NDRG2: variants seen among roughly 807,000 people sequenced by gnomAD.
NDRG2 encodes the protein NDRG family member 2, also known as protein NDRG2.
Under a neutral mutation model 58.2 loss-of-function variants are expected in NDRG2, and 34 were observed. That is an observed-to-expected ratio of 0.58 (90% CI 0.44 to 0.78). The LOEUF (loss-of-function observed/expected upper bound fraction) is 0.78. NDRG2 is among the 30% of genes least tolerant of loss of function. The pLI, the probability that NDRG2 is intolerant of heterozygous loss-of-function variation, is 0.00. For missense variants in NDRG2, 434 were observed against 471.2 expected, an observed-to-expected ratio of 0.92 and a Z score of 0.73; for synonymous variants, 187 against 175.9, an observed-to-expected ratio of 1.06 and a Z score of -0.50.
chr14:21,053,345 T>C (rs1295434177), intron 1 of NDRG2, among the ~76,000 whole-genome samples: 1 of 152,032 alleles, frequency 6.6e-6, no homozygotes, highest in Non-Finnish European at 1.5e-5. Context: ...AGCCGCACTT[T>C]GGCCGGGCGC....
At chr14:21,062,735 G>GTGTGTGTGTGTGTGTGTGTGTGTGTA (rs1886031934) in intron 1 of NDRG2, among the ~76,000 whole-genome samples, 1 of 150,882 alleles carries the variant, frequency 6.6e-6, no homozygotes, top group South Asian at 2.1e-4. Context: ...GTGTGTGTGT[G>GTGTGTGTGTGTGTGTGTGTGTGTGTA]TGTGTGTGTG....
At chr14:21,022,041 C>A in intron 5 of NDRG2, 21 bp downstream of exon 5, 1 of 1,614,136 alleles carries the variant, frequency 6.2e-7, no homozygotes, top group South Asian at 1.1e-5. Flanking sequence ...TCTGGTGAAG[C>A]AGTAACGACC....
At chr14:21,032,130 A>G (rs1487236164) in intron 1 of NDRG2, 1 of 1,568,756 alleles carries the variant, frequency 6.4e-7, no homozygotes, top group Non-Finnish European at 8.7e-7. Flanking sequence ...GTTTAACACC[A>G]GGGAGCTTGG....
At chr14:21,044,082 T>C (rs1885035569) in intron 1 of NDRG2, 1 of 167,576 alleles carries the variant, frequency 6.0e-6, no homozygotes, top group South Asian at 2.1e-4. Context: ...AAATACAGTG[T>C]ACCTTCTACT....
chr14:21,047,461 A>G (rs35291299), intron 1 of NDRG2, among the ~76,000 whole-genome samples: 15,177 of 152,288 alleles, frequency 0.1, 950 homozygotes, highest in Admixed American at 0.19. Context: ...AAAGGATGCC[A>G]GGAATAGTGA....
At position 21,020,793 on chromosome 14, in the gene NDRG2, C is replaced by T. The variant is rs746713870; in HGVS notation, c.459G>A (p.Ala153=). The T allele has an allele frequency of 6.8e-6, 11 of 1,613,928 alleles. No homozygotes were observed. In the African/African-American group the frequency reaches 1.1e-4, roughly 16 times the overall value. ...GCTTTTTATTTCTTACAGCATATCT[C>T]GCCAGGATGTAGGCTCCAGCTCCAA... ...VGVGAGAYIL[A]RYALNHPDTV... The change falls in exon 7 of 16, where the codon GCG becomes GCA. Residue 153 remains alanine, a synonymous_variant. Transcript: ENST00000556147.
At chr14:21,017,864 G>A (rs1190941407) in intron 15 of NDRG2, 102 bp from the exon 16 acceptor site, 34 of 1,601,514 alleles carry the variant, frequency 2.1e-5, no homozygotes, top group African/African-American at 2.7e-5. Context: ...TTATAACTAA[G>A]CCAGGGGATC....
chr14:21,031,986 A>AGGGCAT, intron 1 of NDRG2: 1 of 1,614,194 alleles, frequency 6.2e-7, no homozygotes, highest in Non-Finnish European at 8.5e-7. Context: ...GGCAAGGGCA[A>AGGGCAT]GGGCATTGCG....
At chr14:21,023,724 A>C in intron 1 of NDRG2, 1 of 182,240 alleles carries the variant, frequency 5.5e-6, no homozygotes, top group Non-Finnish European at 1.2e-5. Context: ...AGTATTCTAA[A>C]GGACAGGGTA....
At chr14:21,041,186 G>A (rs560097123) in intron 1 of NDRG2, among the ~76,000 whole-genome samples, 2 of 152,156 alleles carry the variant, frequency 1.3e-5, no homozygotes, top group South Asian at 4.2e-4. Context: ...ATAGAGACAG[G>A]GTTTCGCCAC....
chr14:21,030,470 G>A (rs564184478), upstream of NDRG2: 1 of 1,149,174 alleles, frequency 8.7e-7, no homozygotes, highest in South Asian at 1.6e-5. Flanking sequence ...TGTTCCTGTT[G>A]CTGACTGATT....
chr14:21,044,775 G>A lies in NDRG2; in HGVS notation c.25-21454C>T, dbSNP rs1885071779. Reference sequence around the variant, plus strand: ...ACAAGCTGCATTGTGTCCCATGCCTGTTCTATTTCAAACCCAAATTCATTA... The same window carrying A: ...ACAAGCTGCATTGTGTCCCATGCCTATTCTATTTCAAACCCAAATTCATTA... On this transcript the variant is annotated intron_variant, in intron 1 of 14. Coordinates refer to the NDRG2 transcript ENST00000403829. Among the ~76,000 whole-genome samples, 3 of 152,262 alleles carry A rather than the reference G, an allele frequency of 2.0e-5. No individual in the cohort carries two copies. In the South Asian group the frequency reaches 6.2e-4, roughly 32 times the overall value.
intron 15 of NDRG2, 76 bp from the exon 16 acceptor site, chr14:21,017,838 T>G (rs1252772563): frequency 6.2e-7 from 1 of 1,604,198 alleles, no homozygotes; most frequent in African/African-American, 1.3e-5. Context: ...GGTGTGGTCC[T>G]TGGATTATGG....
chr14:21,041,017 G>C (rs1261494592), intron 1 of NDRG2, among the ~76,000 whole-genome samples: 1 of 151,066 alleles, frequency 6.6e-6, no homozygotes, highest in Non-Finnish European at 1.5e-5. Context: ...TTTGAGACAG[G>C]GTCTCACTCT....
At chr14:21,033,889 GCTT>G (rs763902912) in intron 1 of NDRG2, 1 of 1,614,158 alleles carries the variant, frequency 6.2e-7, no homozygotes, top group Admixed American at 1.7e-5. Flanking sequence ...AGTAGGTAGA[GCTT>G]CTGGTTGGTT....
rs534170359 is a variant in NDRG2 at position 21,020,984 on chromosome 14, G to A, written c.408-140C>T. ...AGACACGGACCTTTCTTTGGAGGACGCGAAAAAGAAGGGCCCAAGAAGCCA... is the reference window on the plus strand; with the variant it reads ...AGACACGGACCTTTCTTTGGAGGACACGAAAAAGAAGGGCCCAAGAAGCCA... On this transcript the variant is annotated intron_variant, in intron 6 of 15. Coordinates refer to ENST00000556147, the MANE Select transcript of NDRG2 (RefSeq NM_001320329.2). 7.1e-5 allele frequency: 70 copies of A among 979,470 alleles called. 1 individual carries two copies. The East Asian group carries it at 1.4e-3, about 19-fold the overall frequency. 60.7% of individuals were successfully genotyped at this position (979,470 alleles called of 1,614,324 possible).
At chr14:21,058,063 C>T (rs757547682) in intron 1 of NDRG2, 1 of 1,614,178 alleles carries the variant, frequency 6.2e-7, no homozygotes, top group Non-Finnish European at 8.5e-7. Flanking sequence ...TGAGCATCAT[C>T]AATAAGTACA....
chr14:21,059,238 G>C (rs1196202105), intron 1 of NDRG2, among the ~76,000 whole-genome samples: 1 of 152,194 alleles, frequency 6.6e-6, no homozygotes, highest in Non-Finnish European at 1.5e-5. Flanking sequence ...GGGAATTTCA[G>C]AATCAGGACC....
chr14:21,023,951 C>T, intron 1 of NDRG2, 79 bp downstream of exon 1: 4 of 986,486 alleles, frequency 4.1e-6, no homozygotes, highest in Non-Finnish European at 4.8e-6. Flanking sequence ...GCAAGTTCAA[C>T]ATTAGTGGGT....
Sources: allele counts gnomAD v4.1 joint callset (sites outside exome capture counted in the v4.1 genomes callset), GRCh38; gene constraint gnomAD v4.1.1; transcripts MANE v1.5; gene names NCBI Gene and HGNC (gene_info 2026-07-23, HGNC 2026-07-21).